SORCS3: variants seen among roughly 807,000 people sequenced by gnomAD.
SORCS3 encodes sortilin related VPS10 domain containing receptor 3.
In SORCS3, 57 loss-of-function variants were observed where a neutral mutation model predicts 146.3. The ratio of observed to expected loss-of-function variants is 0.39; its 90% CI spans 0.31 to 0.49. The LOEUF (loss-of-function observed/expected upper bound fraction) is 0.49. Ranked by LOEUF, SORCS3 falls within the 20% of genes least tolerant of loss-of-function variation. The probability of loss-of-function intolerance (pLI) is 0.92; values close to 1 mark genes in which losing one functional copy is unlikely to be tolerated. For synonymous variants in SORCS3, 653 were observed against 618.5 expected (o/e 1.06, Z -0.83); for missense variants, 1,341 against 1,575.5 (o/e 0.85, Z 2.52).
Position 105,031,124 on chromosome 10 carries a change from G to A in SORCS3, c.955-11931G>A, listed in dbSNP as rs192045592. Among the ~76,000 whole-genome samples the A allele has an allele frequency of 2.0e-3, 303 of 151,750 alleles. 1 individual carries two copies. The highest frequency in any genetic ancestry group is 3.4e-3 in the Middle Eastern group (1 of 294). On this transcript the variant is annotated intron_variant, in intron 4 of 26. Transcript: ENST00000369701. ...AGCCTGGCCAACATGGTAAACCCCC[G>A]TCTCTAGTAAAAACACATGAAAAAA...
At chr10:105,176,980 T>TAC (rs935506490) in intron 13 of SORCS3, among the ~76,000 whole-genome samples, 55 of 149,826 alleles carry the variant, frequency 3.7e-4, no homozygotes, top group Middle Eastern at 3.5e-3. Context: ...TGTGTGTGTA[T>TAC]ACACACACAC....
chr10:104,829,241 G>A (rs1396949789), intron 1 of SORCS3, among the ~76,000 whole-genome samples: 3 of 152,232 alleles, frequency 2.0e-5, no homozygotes, highest in Non-Finnish European at 2.9e-5. Flanking sequence ...AGAGATGCAT[G>A]TGCAGATAGA....
At chr10:105,124,586 C>CA (rs2055959266) in intron 7 of SORCS3, among the ~76,000 whole-genome samples, 1 of 152,106 alleles carries the variant, frequency 6.6e-6, no homozygotes, top group Non-Finnish European at 1.5e-5. Flanking sequence ...ACATCTGTTA[C>CA]AAAAAAATAC....
At chr10:104,823,569 C>T (rs2017900323) in intron 1 of SORCS3, among the ~76,000 whole-genome samples, 1 of 152,150 alleles carries the variant, frequency 6.6e-6, no homozygotes, top group Non-Finnish European at 1.5e-5. Flanking sequence ...TGCTTTTCAT[C>T]TTCACTGATC....
At chr10:104,689,610 T>C (rs980502638) in intron 1 of SORCS3, among the ~76,000 whole-genome samples, 4 of 152,214 alleles carry the variant, frequency 2.6e-5, no homozygotes, top group Non-Finnish European at 5.9e-5. Context: ...GGAAAACTAC[T>C]TTATTTATAT....
At chr10:104,921,866 T>C (rs555804824) in intron 3 of SORCS3, among the ~76,000 whole-genome samples, 38 of 152,272 alleles carry the variant, frequency 2.5e-4, no homozygotes, top group Non-Finnish European at 4.9e-4. Context: ...CCCTGTTGCC[T>C]GGGGTTTTCT....
chr10:104,786,260 CAAA>C (rs71482438), intron 1 of SORCS3, among the ~76,000 whole-genome samples: 7 of 110,650 alleles, frequency 6.3e-5, no homozygotes, highest in Non-Finnish European at 9.7e-5. Flanking sequence ...AATTGGAAGC[CAAA>C]AAAAAAAAAA....
In SORCS3 at chr10:104,905,674, G is replaced by T. The variant is rs145165349; in HGVS notation, c.696-10159G>T. On this transcript the variant is annotated intron_variant, in intron 2 of 26. Transcript: ENST00000369701. The stretch of plus-strand genomic sequence containing the variant: ...TGTCATGCACACAAAGTTAAATAAT[G>T]GCATAAAACAACAGCAGAAAAGAGA... 3.5e-4 allele frequency among the ~76,000 whole-genome samples: 54 copies of T among 152,236 alleles called. No individual in the cohort carries two copies. In the East Asian group the frequency reaches 0.01, roughly 28 times the overall value.
chr10:104,741,890 C>T (rs187372834), intron 1 of SORCS3, among the ~76,000 whole-genome samples: 80 of 151,762 alleles, frequency 5.3e-4, no homozygotes, highest in African/African-American at 1.6e-3. Flanking sequence ...ATTTTTATGA[C>T]GGCTACTTTA....
At chr10:105,203,033 T>G (rs1020205251) in intron 16 of SORCS3, among the ~76,000 whole-genome samples, 4 of 152,170 alleles carry the variant, frequency 2.6e-5, no homozygotes, top group African/African-American at 9.7e-5. Flanking sequence ...GCAGCCTCAC[T>G]TCTTCCAGCC....
intron 1 of SORCS3, among the ~76,000 whole-genome samples, chr10:104,787,618 T>A (rs1055075280): frequency 6.6e-6 from 1 of 152,106 alleles, no homozygotes; most frequent in Non-Finnish European, 1.5e-5. Flanking sequence ...CAAGTGGGAT[T>A]TTTTTTCCAG....
chr10:104,882,798 A>G (rs2018644380), intron 2 of SORCS3, among the ~76,000 whole-genome samples: 1 of 152,216 alleles, frequency 6.6e-6, no homozygotes, highest in Non-Finnish European at 1.5e-5. Context: ...GGATGATAGC[A>G]TCTTTGAAGA....
chr10:104,826,048 C>T (rs1181429867), intron 1 of SORCS3, among the ~76,000 whole-genome samples: 1 of 152,140 alleles, frequency 6.6e-6, no homozygotes, highest in East Asian at 1.9e-4. Context: ...TCTTATCTCT[C>T]CCTTGGATCC....
intron 14 of SORCS3, 66 bp downstream of exon 14, chr10:105,178,239 T>A: frequency 7.5e-7 from 1 of 1,329,800 alleles, no homozygotes; most frequent in Non-Finnish European, 1.0e-6. Context: ...CATTGAGGCC[T>A]TGGATTTTTC....
At chr10:104,939,158 G>A (rs778090557) in intron 3 of SORCS3, among the ~76,000 whole-genome samples, 1 of 152,206 alleles carries the variant, frequency 6.6e-6, no homozygotes, top group Non-Finnish European at 1.5e-5. Flanking sequence ...AGTACCTCTG[G>A]CTGGAGGAGA....
chr10:104,717,251 C>G (rs2016489989), intron 1 of SORCS3, among the ~76,000 whole-genome samples: 1 of 148,224 alleles, frequency 6.7e-6, no homozygotes, highest in Admixed American at 6.8e-5. Context: ...TACCACTGCA[C>G]TCCAGCCTGG....
chr10:105,100,142 G>A (rs2055773392), intron 6 of SORCS3, among the ~76,000 whole-genome samples: 1 of 152,180 alleles, frequency 6.6e-6, no homozygotes, highest in Non-Finnish European at 1.5e-5. Context: ...TGAAATAGGG[G>A]TGCATATTTC....
intron 4 of SORCS3, among the ~76,000 whole-genome samples, chr10:104,989,032 A>G (rs987825624): frequency 3.9e-5 from 6 of 152,246 alleles, no homozygotes; most frequent in African/African-American, 7.2e-5. Context: ...CACAAACTGA[A>G]TGAAGTGTGG....
intron 1 of SORCS3, among the ~76,000 whole-genome samples, chr10:104,743,570 C>A (rs1336278705): frequency 6.6e-6 from 1 of 152,032 alleles, no homozygotes; most frequent in Non-Finnish European, 1.5e-5. Flanking sequence ...TGCTAGGGTT[C>A]CTGGACCAGA....
Sources: gnomAD v4.1 joint callset for allele counts (sites outside exome capture counted in the v4.1 genomes callset) on GRCh38, gnomAD v4.1.1 for gene constraint, MANE v1.5 for transcripts, NCBI Gene and HGNC (gene_info 2026-07-23, HGNC 2026-07-21) for gene names.